LRP8: variants seen among roughly 807,000 people sequenced by gnomAD.
LRP8 encodes low-density lipoprotein receptor-related protein 8.
Under a neutral mutation model 111.6 loss-of-function variants are expected in LRP8, and 46 were observed. The ratio of observed to expected loss-of-function variants is 0.41; its 90% CI spans 0.33 to 0.53. The LOEUF is 0.53. Ranked by LOEUF, LRP8 falls within the 20% of genes least tolerant of loss-of-function variation. LRP8 has a pLI of 0.20. For missense variants in LRP8, 959 were observed against 1,297.4 expected (o/e 0.74, Z 4.01); for synonymous variants, 464 against 511.2 (o/e 0.91, Z 1.24).
chr1:53,267,473 A>G (rs201528602), intron 8 of LRP8: 3 of 60,228 alleles, frequency 5.0e-5, no homozygotes, highest in East Asian at 4.4e-3. Flanking sequence ...GTCTCAAAGG[A>G]AAAAAAAAAA....
rs1264402330 is a variant in LRP8, at chr1:53,279,180, C to T, written c.496+1407G>A. Among the ~76,000 whole-genome samples the T allele has an allele frequency of 2.0e-5, 3 of 151,938 alleles. No homozygotes were observed. Among genetic ancestry groups the T allele is most frequent in the East Asian group, 1.9e-4 (1 of 5,184 alleles). ...TCCATATTCTCAGGCCTACGTAGGC[C>T]GAGAGACCCTACTCCTAGCACTCAC... On this transcript the variant is annotated intron_variant, in intron 4 of 18. Coordinates refer to ENST00000306052, the MANE Select transcript of LRP8 (RefSeq NM_004631.5). This position sits in a 1 kb window ranked among gnomAD's most constrained non-coding sequence, Gnocchi z 4.4.
In LRP8 at chr1:53,279,932, C is replaced by G. The variant is rs192579140; in HGVS notation, c.496+655G>C. On this transcript the variant is annotated intron_variant, in intron 4 of 18. Transcript: ENST00000306052. The surrounding 1 kb of genome is among the most constrained non-coding windows in gnomAD (Gnocchi z 4.4). ...GAGGCCTGGCCATGCTCCCCAATGG[C>G]CCAGGCCCTGCTGGCCTGCTCCCTG... is the stretch of plus-strand genomic sequence containing the variant. Among the ~76,000 whole-genome samples, 378 of 152,370 alleles carry G rather than the reference C, an allele frequency of 2.5e-3. 3 individuals are homozygous for G. The highest frequency in any genetic ancestry group is 8.7e-3 in the African/African-American group (362 of 41,594).
chr1:53,302,856 A>ATTTTTTGTT lies in LRP8; in HGVS notation c.245-13168_245-13167insAACAAAAAA, dbSNP rs1553191210. On this transcript the variant is annotated intron_variant, in intron 2 of 18. Coordinates refer to ENST00000306052, the MANE Select transcript of LRP8 (RefSeq NM_004631.5). ...AGGCGTGCACCACCACACCCAGCTAATTTTTTTTTTTTTTTGGATTTTTGT... is the reference window on the plus strand; with the variant it reads ...AGGCGTGCACCACCACACCCAGCTAATTTTTTGTTTTTTTTTTTTTTTTTGGATTTTTGT... Among the ~76,000 whole-genome samples, 12 of 126,590 alleles carry ATTTTTTGTT rather than the reference A, an allele frequency of 9.5e-5. No individual in the cohort carries two copies. The East Asian group carries it at 3.1e-3, about 33-fold the overall frequency. 83.0% of individuals were successfully genotyped at this position (126,590 alleles called of 152,430 possible).
At chr1:53,289,802 G>A (rs1648320885) in intron 2 of LRP8, 113 bp from the exon 3 acceptor site, 12 of 1,391,350 alleles carry the variant, frequency 8.6e-6, no homozygotes, top group African/African-American at 1.4e-5. Context: ...GCTGACCAAG[G>A]GCAGAGGACA....
At chr1:53,254,005 T>C (rs1168568000) in intron 16 of LRP8, among the ~76,000 whole-genome samples, 1 of 152,166 alleles carries the variant, frequency 6.6e-6, no homozygotes, top group Non-Finnish European at 1.5e-5. Flanking sequence ...GTCAGTGTCT[T>C]ACACAGGGGA....
rs369425988 is a variant in LRP8 at position 53,304,025 on chromosome 1, C to A, written c.245-14336G>T. 2.4e-4 allele frequency among the ~76,000 whole-genome samples: 37 copies of A among 152,190 alleles called. No individual in the cohort carries two copies. In the South Asian group the frequency reaches 6.7e-3, roughly 27 times the overall value. On this transcript the variant is annotated intron_variant, in intron 2 of 18. Transcript: ENST00000306052. ...AAGAGCTGCCATGAAATGACTTTAC[C>A]CAGCAGACAGGCTGGTGATAGGTTT...
rs1645745867 is a variant in LRP8, at chr1:53,246,990, A to T, written c.*28T>A. ...AGTGTAGTGCATGGGACTGAATTCCATGAGGCACGAAGGGGGTGATCCCAT... is the reference window on the plus strand; with the variant it reads ...AGTGTAGTGCATGGGACTGAATTCCTTGAGGCACGAAGGGGGTGATCCCAT... On this transcript the variant is annotated 3_prime_UTR_variant, in exon 19 of 19. Coordinates refer to ENST00000306052, the MANE Select transcript of LRP8 (RefSeq NM_004631.5). 5 of 1,603,196 alleles carry T rather than the reference A, an allele frequency of 3.1e-6. No individual in the cohort carries two copies. The East Asian group carries it at 1.1e-4, about 36-fold the overall frequency.
Position 53,246,857 on chromosome 1 carries a change from T to A in LRP8, c.*161A>T. 3 of 614,796 alleles carry A rather than the reference T, an allele frequency of 4.9e-6. No individual in the cohort carries two copies. In the South Asian group the frequency reaches 6.2e-5, roughly 13 times the overall value. 38.1% of individuals were successfully genotyped at this position (614,796 alleles called of 1,614,324 possible). A position where few individuals can be genotyped will look rare whatever the true frequency, so the allele number is the denominator to read the frequency against. On this transcript the variant is annotated 3_prime_UTR_variant, in exon 19 of 19. Transcript: ENST00000306052. ...TGGATGTTTGCAGTTCATCATAACTTTGTGGTTACCTTTCCGCAACATAAA... is the reference window on the plus strand; with the variant it reads ...TGGATGTTTGCAGTTCATCATAACTATGTGGTTACCTTTCCGCAACATAAA...
intron 6 of LRP8, among the ~76,000 whole-genome samples, chr1:53,271,698 G>T (rs960473173): frequency 6.6e-6 from 1 of 152,108 alleles, no homozygotes; most frequent in Non-Finnish European, 1.5e-5. Context: ...TTCTCACAGC[G>T]CCTCCTTCCT....
chr1:53,246,090 T>G lies in LRP8; in HGVS notation c.*928A>C, dbSNP rs1215847506. 1 of 152,218 alleles carries G rather than the reference T, an allele frequency of 6.6e-6. No individual in the cohort carries two copies. Among genetic ancestry groups the G allele is most frequent in the African/African-American group, 2.4e-5 (1 of 41,456 alleles). The allele number at this position is 152,218 out of a possible 1,614,324, so 9.4% of individuals were successfully genotyped here. A position where few individuals can be genotyped will look rare whatever the true frequency, so the allele number is the denominator to read the frequency against. ...TTCTGAGCACTCTGGTACCATGGAA[T>G]GTCTGTACACTGACCTTCGCCAAAG... is the stretch of plus-strand genomic sequence containing the variant. On this transcript the variant is annotated 3_prime_UTR_variant, in exon 19 of 19. Transcript: ENST00000306052.
rs780398537 is a variant in LRP8, at chr1:53,275,774, G to A, written c.884-21C>T. On this transcript the variant is annotated intron_variant, in intron 5 of 18. Coordinates refer to ENST00000306052, the MANE Select transcript of LRP8 (RefSeq NM_004631.5). This position sits in a 1 kb window ranked among gnomAD's most constrained non-coding sequence, Gnocchi z 4.4. Reference sequence around the variant, plus strand: ...CAGTGCTGCCAGGAGAGGGCAAGGGGAGAGGATCAGAGTCAGTGTGGTGCT... The same window carrying A: ...CAGTGCTGCCAGGAGAGGGCAAGGGAAGAGGATCAGAGTCAGTGTGGTGCT... 5 of 1,612,922 alleles carry A rather than the reference G, an allele frequency of 3.1e-6. 1 individual carries two copies. The Admixed American group carries it at 8.3e-5, about 27-fold the overall frequency.
intron 2 of LRP8, among the ~76,000 whole-genome samples, chr1:53,320,895 C>T (rs967271724): frequency 2.0e-5 from 3 of 152,188 alleles, no homozygotes; most frequent in African/African-American, 7.2e-5. Flanking sequence ...GGGCTCCAGA[C>T]CAGACAGACC....
In LRP8 at chr1:53,262,228, A is replaced by G; in HGVS notation, c.1775-21T>C. ...CAGATCTTGGGAAGGAAGCAGGATC[A>G]GGTCATGAACCTGGGACCCCAGTCT... is the stretch of plus-strand genomic sequence containing the variant. On this transcript the variant is annotated intron_variant, in intron 11 of 18. Transcript: ENST00000306052. This position sits in a 1 kb window ranked among gnomAD's most constrained non-coding sequence, Gnocchi z 4.8. The G allele has an allele frequency of 1.2e-6, 2 of 1,612,564 alleles. No homozygotes were observed. Among genetic ancestry groups the G allele is most frequent in the Non-Finnish European group, 1.7e-6 (2 of 1,179,946 alleles).
intron 2 of LRP8, among the ~76,000 whole-genome samples, chr1:53,323,759 G>T (rs72895399): frequency 0.047 from 7,114 of 152,338 alleles, 417 homozygotes; most frequent in African/African-American, 0.14. Context: ...CTCCAACCCT[G>T]AGGAGCTCTG....
intron 2 of LRP8, among the ~76,000 whole-genome samples, chr1:53,295,431 G>C (rs887374406): frequency 3.3e-5 from 5 of 152,156 alleles, no homozygotes; most frequent in African/African-American, 1.2e-4. Context: ...CCCTGCAGAG[G>C]CCCAGCACAG....
At chr1:53,272,530 C>G in intron 6 of LRP8, 1 of 1,268,496 alleles carries the variant, frequency 7.9e-7, no homozygotes, top group Non-Finnish European at 1.0e-6. Context: ...CTGAGCTGCC[C>G]ACCCCAGGCC....
chr1:53,276,094 T>C (rs557113661), intron 5 of LRP8, among the ~76,000 whole-genome samples: 6 of 152,260 alleles, frequency 3.9e-5, no homozygotes, highest in African/African-American at 1.4e-4. Flanking sequence ...CATTACTTAA[T>C]GACTTCATCC....
At chr1:53,308,111 C>T (rs938339269) in intron 2 of LRP8, among the ~76,000 whole-genome samples, 3 of 152,250 alleles carry the variant, frequency 2.0e-5, no homozygotes, top group Non-Finnish European at 2.9e-5. Context: ...GCTCTCCTAT[C>T]AGACTGCACT....
At position 53,250,861 on chromosome 1, in the gene LRP8, C is replaced by G; in HGVS notation, c.2505G>C (p.Val835=). The part of the protein sequence containing the change: ...AAVIGIIVPI[V]VIALLCMSGY... ...CACTCATGCACAGGAGGGCTATCACCACTGGAGGAAGGACACAGGACACTG... is the reference window on the plus strand; with the variant it reads ...CACTCATGCACAGGAGGGCTATCACGACTGGAGGAAGGACACAGGACACTG... Residue 835 remains valine, a splice_region_variant and synonymous_variant, in exon 17 of 19, where the codon GTG becomes GTC. Coordinates refer to ENST00000306052, the MANE Select transcript of LRP8 (RefSeq NM_004631.5). This position sits in a 1 kb window ranked among gnomAD's most constrained non-coding sequence, Gnocchi z 4.6. 6.2e-7 allele frequency: 1 copy of G among 1,614,050 alleles called. No homozygotes were observed.
Sources: gnomAD v4.1 joint callset for allele counts (sites outside exome capture counted in the v4.1 genomes callset) on GRCh38, gnomAD v4.1.1 for gene constraint, Gnocchi (gnomAD v3.1) non-coding constraint, MANE v1.5 for transcripts, NCBI Gene and HGNC (gene_info 2026-07-23, HGNC 2026-07-21) for gene names.